The following PRKG1 variants were observed in gnomAD, a reference collection of about 807,000 sequenced individuals.
PRKG1 encodes cGMP-dependent protein kinase 1.
Under a neutral mutation model 88.1 loss-of-function variants are expected in PRKG1, and 35 were observed. The ratio of observed to expected loss-of-function variants is 0.40; its 90% CI spans 0.30 to 0.53. PRKG1 has a LOEUF of 0.53. Among genes scored for constraint, PRKG1 ranks in the 20% least tolerant of loss-of-function variants. The pLI, the probability that PRKG1 is intolerant of heterozygous loss-of-function variation, is 0.59. For missense variants in PRKG1, 540 were observed against 839.8 expected, an observed-to-expected ratio of 0.64 and a Z score of 4.41; for synonymous variants, 303 against 292.5, an observed-to-expected ratio of 1.04 and a Z score of -0.37.
At chr10:51,858,118 A>T (rs1436829994) in intron 4 of PRKG1, among the ~76,000 whole-genome samples, 4 of 45,374 alleles carry the variant, frequency 8.8e-5, no homozygotes, top group African/African-American at 3.9e-4. Flanking sequence ...ACATATATAT[A>T]ATATATATTA....
intron 12 of PRKG1, among the ~76,000 whole-genome samples, chr10:52,274,287 C>T (rs1438825965): frequency 6.8e-6 from 1 of 147,656 alleles, no homozygotes; most frequent in Non-Finnish European, 1.5e-5. Context: ...CCGACTCTTC[C>T]CCCCAAATCC....
At chr10:51,361,487 G>A (rs975990908) in intron 2 of PRKG1, among the ~76,000 whole-genome samples, 7 of 151,844 alleles carry the variant, frequency 4.6e-5, no homozygotes, top group African/African-American at 1.7e-4. Context: ...CATGGTCTAC[G>A]TAATTCATTA....
intron 1 of PRKG1, among the ~76,000 whole-genome samples, chr10:51,090,617 A>C (rs573361699): frequency 6.6e-6 from 1 of 152,184 alleles, no homozygotes; most frequent in Non-Finnish European, 1.5e-5. Flanking sequence ...GCCAAGGTAA[A>C]GCTGTTTATG....
intron 9 of PRKG1, among the ~76,000 whole-genome samples, chr10:52,193,563 C>CAAAAAAAAAAAAAAAAAAAAAAAA (rs67349420): frequency 8.4e-6 from 1 of 118,512 alleles, no homozygotes; most frequent in African/African-American, 3.3e-5. Flanking sequence ...AAAAAAAAAA[C>CAAAAAAAAAAAAAAAAAAAAAAAA]AAAAAAAAAA....
intron 1 of PRKG1, among the ~76,000 whole-genome samples, chr10:51,147,083 T>C (rs1279871260): frequency 6.6e-6 from 1 of 152,082 alleles, no homozygotes; most frequent in Non-Finnish European, 1.5e-5. Context: ...AATATGTAGA[T>C]TGAATGCATA....
intron 4 of PRKG1, among the ~76,000 whole-genome samples, chr10:51,829,452 T>A (rs1438271683): frequency 1.3e-5 from 2 of 152,144 alleles, no homozygotes; most frequent in Admixed American, 6.5e-5. Context: ...CTAACTCTTT[T>A]CTAGTTGCAG....
Position 52,192,804 on chromosome 10 carries a change from T to C in PRKG1, c.1076+30841T>C, listed in dbSNP as rs558117370. 3.3e-5 allele frequency among the ~76,000 whole-genome samples: 5 copies of C among 152,278 alleles called. No homozygotes were observed. In the East Asian group the frequency reaches 9.6e-4, roughly 29 times the overall value. ...TAGTTTGCATTAGAAATTCCTTTCT[T>C]ATATTAGAATTTAAGGAGATAGAAA... On this transcript the variant is annotated intron_variant, in intron 9 of 17. Coordinates refer to ENST00000373980, the MANE Select transcript of PRKG1 (RefSeq NM_006258.4).
chr10:51,302,243 C>T (rs780164289), intron 2 of PRKG1, among the ~76,000 whole-genome samples: 3 of 152,136 alleles, frequency 2.0e-5, no homozygotes, highest in Non-Finnish European at 4.4e-5. Context: ...CTTCCAGAGA[C>T]GTTTAAAAAC....
intron 7 of PRKG1, among the ~76,000 whole-genome samples, chr10:52,088,330 ATTT>A (rs1846967610): frequency 6.7e-6 from 1 of 150,142 alleles, no homozygotes; most frequent in African/African-American, 2.4e-5. Flanking sequence ...ACAGTATATT[ATTT>A]ATGTTTATTA....
At position 51,278,628 on chromosome 10, in the gene PRKG1, C is replaced by T. The variant is rs528281706; in HGVS notation, c.478+125298C>T. Among the ~76,000 whole-genome samples, 400 of 152,240 alleles carry T rather than the reference C, an allele frequency of 2.6e-3. 1 individual carries two copies. Among genetic ancestry groups the T allele is most frequent in the Non-Finnish European group, 4.6e-3 (313 of 68,018 alleles). On this transcript the variant is annotated intron_variant, in intron 2 of 17. Coordinates refer to ENST00000373980, the MANE Select transcript of PRKG1 (RefSeq NM_006258.4). ...AGGCTATTAACTATTGCCTCAATTTCAGACCTGTTATTGGTCTATTCAGGG... is the reference window on the plus strand; with the variant it reads ...AGGCTATTAACTATTGCCTCAATTTTAGACCTGTTATTGGTCTATTCAGGG...
At chr10:51,496,603 T>C (rs919760108) in intron 3 of PRKG1, among the ~76,000 whole-genome samples, 2 of 152,180 alleles carry the variant, frequency 1.3e-5, no homozygotes, top group Admixed American at 6.6e-5. Context: ...TGACTTCTTT[T>C]CCCAAGGTGC....
At chr10:51,228,218 C>T (rs768492855) in intron 2 of PRKG1, among the ~76,000 whole-genome samples, 4 of 152,132 alleles carry the variant, frequency 2.6e-5, no homozygotes, top group South Asian at 2.1e-4. Context: ...ATTTAGCCAA[C>T]GAGTTATGTT....
At chr10:51,694,646 TTAGC>T (rs1841237261) in intron 3 of PRKG1, among the ~76,000 whole-genome samples, 1 of 152,150 alleles carries the variant, frequency 6.6e-6, no homozygotes, top group African/African-American at 2.4e-5. Flanking sequence ...TAAAGAAGCA[TTAGC>T]AAATCACTGT....
At position 50,991,643 on chromosome 10, in the gene PRKG1, A is replaced by C; in HGVS notation, c.265A>C (p.Arg89=). The change falls in exon 1 of 18, where the codon AGG becomes CGG. Residue 89 remains arginine (R), a splice_region_variant and synonymous_variant. Transcript: ENST00000401604. This position sits in a 1 kb window ranked among gnomAD's most constrained non-coding sequence, Gnocchi z 4.5. ...ATTCCGGAAGTTCACCAAGTCCGAA[A>C]GGTAGGCGCGGAGGCCGTGGGCCCG... The C allele has an allele frequency of 6.6e-7, 1 of 1,518,286 alleles. No homozygotes were observed. Among genetic ancestry groups the C allele is most frequent in the South Asian group, 1.2e-5 (1 of 81,730 alleles). The allele number at this position is 1,518,286 out of a possible 1,614,324, so 94.1% of individuals were successfully genotyped here. A position where few individuals can be genotyped will look rare whatever the true frequency, so the allele number is the denominator to read the frequency against.
intron 3 of PRKG1, among the ~76,000 whole-genome samples, chr10:51,630,364 A>G (rs1230766319): frequency 6.6e-6 from 1 of 152,206 alleles, no homozygotes; most frequent in African/African-American, 2.4e-5. Flanking sequence ...GCATTTTATC[A>G]TGGATGACAC....
At chr10:51,294,070 C>G (rs527251123) in intron 2 of PRKG1, among the ~76,000 whole-genome samples, 32 of 151,944 alleles carry the variant, frequency 2.1e-4, no homozygotes, top group African/African-American at 6.3e-4. Flanking sequence ...AATAGAGTTT[C>G]TTTTTTTACT....
intron 4 of PRKG1, among the ~76,000 whole-genome samples, chr10:51,869,203 C>A (rs1410366929): frequency 6.6e-6 from 1 of 152,070 alleles, no homozygotes; most frequent in Non-Finnish European, 1.5e-5. Context: ...AAATTGATAC[C>A]AACCGTACTT....
chr10:51,157,105 A>G (rs899245695), intron 2 of PRKG1, among the ~76,000 whole-genome samples: 1 of 151,944 alleles, frequency 6.6e-6, no homozygotes, highest in African/African-American at 2.4e-5. Flanking sequence ...GCATACCTAA[A>G]TGCCAGAGGT....
At chr10:52,203,021 C>G (rs1237808923) in intron 9 of PRKG1, among the ~76,000 whole-genome samples, 1 of 151,968 alleles carries the variant, frequency 6.6e-6, no homozygotes, top group Non-Finnish European at 1.5e-5. Flanking sequence ...TTCTTCAGTT[C>G]AGCTCTGATT....
Sources: allele counts gnomAD v4.1 joint callset (sites outside exome capture counted in the v4.1 genomes callset), GRCh38; gene constraint gnomAD v4.1.1; non-coding constraint Gnocchi (gnomAD v3.1); transcripts MANE v1.5; gene names NCBI Gene and HGNC (gene_info 2026-07-23, HGNC 2026-07-21).